The following HERC5 variants were observed in gnomAD, a reference collection of about 807,000 sequenced individuals.
HERC5 encodes the protein E3 ISG15--protein ligase HERC5.
HERC5 carries 99 observed loss-of-function variants against 119.6 expected under a neutral mutation model. The ratio of observed to expected loss-of-function variants is 0.83; its 90% CI spans 0.70 to 0.98. HERC5 has a LOEUF of 0.98. Ranked by LOEUF, HERC5 falls within the 50% of genes least tolerant of loss-of-function variation. HERC5 has a pLI of 0.00. For missense variants in HERC5, 1,267 were observed against 1,241.3 expected, an observed-to-expected ratio of 1.02 and a Z score of -0.31; for synonymous variants, 478 against 445.9, an observed-to-expected ratio of 1.07 and a Z score of -0.91.
At chr4:88,465,312 T>C (rs1157421954) in intron 6 of HERC5, among the ~76,000 whole-genome samples, 4 of 152,362 alleles carry the variant, frequency 2.6e-5, no homozygotes, top group Non-Finnish European at 4.4e-5. Context: ...TATACACTTA[T>C]TCTTTTGGGC....
chr4:88,499,938 A>G lies in HERC5; in HGVS notation c.2457A>G (p.Thr819=). The change falls in exon 19 of 23, where the codon ACA becomes ACG. Residue 819 remains threonine, a synonymous_variant. Transcript: ENST00000264350. Reference sequence around the variant, plus strand: ...ATTTTTTCCTTAGGAATTTGCAAACACTTCTGGATGATGAAGGTGATAACT... The same window carrying G: ...ATTTTTTCCTTAGGAATTTGCAAACGCTTCTGGATGATGAAGGTGATAACT... ...LSPDLGKNLQ[T]LLDDEGDNFE... 6.2e-7 allele frequency: 1 copy of G among 1,607,446 alleles called. No homozygotes were observed. Among genetic ancestry groups the G allele is most frequent in the Non-Finnish European group, 8.5e-7 (1 of 1,174,508 alleles).
Position 88,495,387 on chromosome 4 carries a change from AAAAC to A in HERC5, c.2444+1068_2444+1071del, listed in dbSNP as rs555393128. 1.9e-3 allele frequency among the ~76,000 whole-genome samples: 287 copies of A among 152,222 alleles called. 1 individual carries two copies. The highest frequency in any genetic ancestry group is 3.4e-3 in the Non-Finnish European group (232 of 68,008). ...AACACGGCGAGACCTCATCTCTACA[AAAAC>A]AAACAAACAAAAACAACAAAAATTA... On this transcript the variant is annotated intron_variant, in intron 18 of 22. Transcript: ENST00000264350.
chr4:88,500,833 G>A, intron 19 of HERC5, 82 bp from the exon 20 acceptor site: 1 of 1,038,788 alleles, frequency 9.6e-7, no homozygotes, highest in African/African-American at 1.6e-5. Context: ...TTTTTAGAAA[G>A]TATGCTCCAA....
At chr4:88,491,650 GTTC>G (rs1230725287) in intron 16 of HERC5, among the ~76,000 whole-genome samples, 5 of 152,192 alleles carry the variant, frequency 3.3e-5, no homozygotes, top group Admixed American at 6.5e-5. Flanking sequence ...TACAGTTCTT[GTTC>G]TTCTTGGAGA....
intron 9 of HERC5, 52 bp downstream of exon 9, chr4:88,469,312 T>TC: frequency 8.1e-7 from 1 of 1,241,378 alleles, no homozygotes; most frequent in South Asian, 1.2e-5. Flanking sequence ...AAGTATCATT[T>TC]CCCAAACTGG....
intron 14 of HERC5, 54 bp downstream of exon 14, chr4:88,486,282 C>T: frequency 1.9e-6 from 2 of 1,066,414 alleles, no homozygotes; most frequent in Non-Finnish European, 2.8e-6. Flanking sequence ...TTAATACAGG[C>T]ATTTCTTGTC....
In HERC5 at chr4:88,457,460, C is replaced by T. The variant is rs1358056166; in HGVS notation, c.191C>T (p.Ala64Val). The T allele has an allele frequency of 1.5e-6, 2 of 1,345,008 alleles. No homozygotes were observed. The highest frequency in any genetic ancestry group is 9.5e-7 in the Non-Finnish European group (1 of 1,050,850). The allele number at this position is 1,345,008 out of a possible 1,614,324, so 83.3% of individuals were successfully genotyped here. A position where few individuals can be genotyped will look rare whatever the true frequency, so the allele number is the denominator to read the frequency against. ...CTCTGCTGCTCGCCGGGGCGCCTCGCGGTCTTGGAACGCGGCGGGGCGGGC... is the reference window on the plus strand; with the variant it reads ...CTCTGCTGCTCGCCGGGGCGCCTCGTGGTCTTGGAACGCGGCGGGGCGGGC... ...RQLCCSPGRL[A>V]VLERGGAGVQ... The change falls in exon 1 of 23, where the codon GCG becomes GTG. Residue 64 changes from alanine to valine, a missense_variant. Transcript: ENST00000264350.
chr4:88,485,362 G>A (rs1218138214), intron 13 of HERC5, among the ~76,000 whole-genome samples: 1 of 152,144 alleles, frequency 6.6e-6, no homozygotes, highest in African/African-American at 2.4e-5. Flanking sequence ...ATAAATGTAA[G>A]GCCAAGATCA....
In HERC5 at chr4:88,505,910, TGTTGTTATC is replaced by T; in HGVS notation, c.*39_*47del. 6.6e-7 allele frequency: 1 copy of T among 1,526,114 alleles called. No homozygotes were observed. 94.5% of individuals were successfully genotyped at this position (1,526,114 alleles called of 1,614,324 possible). ...TGCTTGTCCAACAGCCTTATTTTGTTGTTGTTATCGTTGTTGTTGTTGTTGTTGTTGTTG... is the reference window on the plus strand; with the variant it reads ...TGCTTGTCCAACAGCCTTATTTTGTTGTTGTTGTTGTTGTTGTTGTTGTTG... On this transcript the variant is annotated 3_prime_UTR_variant, in exon 23 of 23. Transcript: ENST00000264350.
At chr4:88,502,197 C>G (rs1223539594) in intron 20 of HERC5, among the ~76,000 whole-genome samples, 1 of 152,152 alleles carries the variant, frequency 6.6e-6, no homozygotes, top group East Asian at 1.9e-4. Context: ...TGTTTATGTG[C>G]AGGCATTTCT....
chr4:88,482,775 C>T (rs987092446), intron 13 of HERC5, among the ~76,000 whole-genome samples: 3 of 152,078 alleles, frequency 2.0e-5, no homozygotes, highest in Non-Finnish European at 2.9e-5. Flanking sequence ...GGATTACAGG[C>T]GTGCACCACC....
intron 14 of HERC5, among the ~76,000 whole-genome samples, chr4:88,486,728 C>A (rs1430446961): frequency 6.6e-6 from 1 of 152,218 alleles, no homozygotes; most frequent in Non-Finnish European, 1.5e-5. Context: ...CATGTATGAG[C>A]TAACCAGCTA....
chr4:88,483,814 G>A (rs1189106878), intron 13 of HERC5, among the ~76,000 whole-genome samples: 1 of 152,176 alleles, frequency 6.6e-6, no homozygotes, highest in East Asian at 1.9e-4. Context: ...ACAGGCATGA[G>A]CCATTGCGCC....
intron 7 of HERC5, among the ~76,000 whole-genome samples, 162 bp downstream of exon 7, chr4:88,467,366 A>G (rs911433335): frequency 3.9e-5 from 6 of 152,208 alleles, no homozygotes; most frequent in South Asian, 4.1e-4. Flanking sequence ...AGTCAGTCTA[A>G]TTTACTGAGG....
At chr4:88,500,876 T>C (rs1446886484) in intron 19 of HERC5, 39 bp from the exon 20 acceptor site, 3 of 1,426,532 alleles carry the variant, frequency 2.1e-6, no homozygotes, top group African/African-American at 1.4e-5. Flanking sequence ...TGTTCAGAAT[T>C]ATGTTGGAGA....
At chr4:88,483,162 T>C (rs574784428) in intron 13 of HERC5, among the ~76,000 whole-genome samples, 1 of 152,162 alleles carries the variant, frequency 6.6e-6, no homozygotes, top group Non-Finnish European at 1.5e-5. Flanking sequence ...TGGACTATTC[T>C]TAGTTTCCAA....
In HERC5 at chr4:88,457,499, A is replaced by G; in HGVS notation, c.230A>G (p.Gln77Arg). 1 of 1,313,096 alleles carries G rather than the reference A, an allele frequency of 7.6e-7. No homozygotes were observed. Among genetic ancestry groups the G allele is most frequent in the South Asian group, 2.3e-5 (1 of 44,376 alleles). The allele number at this position is 1,313,096 out of a possible 1,614,324, so 81.3% of individuals were successfully genotyped here. A position where few individuals can be genotyped will look rare whatever the true frequency, so the allele number is the denominator to read the frequency against. Residue 77 changes from glutamine to arginine, a missense_variant, in exon 1 of 23, where the codon CAG (glutamine) becomes CGG (arginine). By Grantham distance (43) the Gln-to-Arg change is conservative (BLOSUM62 1). This residue lies in a region of HERC5 where 777 missense variants were observed against 758.0 expected (regional missense o/e 1.03). Transcript: ENST00000264350. ...ERGGAGVQVH[Q>R]LLAGSGGART... ...GGCGGGGCGGGCGTCCAGGTTCACC[A>G]GCTGCTCGCCGGGAGCGGCGGCGCC...
intron 22 of HERC5, among the ~76,000 whole-genome samples, chr4:88,504,916 G>A (rs1290477252): frequency 6.6e-6 from 1 of 151,930 alleles, no homozygotes; most frequent in Admixed American, 6.6e-5. Flanking sequence ...ATTTTATTTG[G>A]CTAATTTTTA....
At chr4:88,482,894 G>A (rs1170395712) in intron 13 of HERC5, among the ~76,000 whole-genome samples, 1 of 152,088 alleles carries the variant, frequency 6.6e-6, no homozygotes, top group African/African-American at 2.4e-5. Flanking sequence ...GCCTCCCAAA[G>A]TGCTGGGATT....
Sources: allele counts gnomAD v4.1 joint callset (sites outside exome capture counted in the v4.1 genomes callset), GRCh38; gene constraint gnomAD v4.1.1; regional missense constraint gnomAD v4.1.1; transcripts MANE v1.5; gene names NCBI Gene and HGNC (gene_info 2026-07-23, HGNC 2026-07-21).